Variants in PCNX2 observed in about 807,000 individuals in gnomAD.
PCNX2 encodes the protein pecanex-like protein 2.
PCNX2 carries 168 observed loss-of-function variants against 223.8 expected under a neutral mutation model. The observed-to-expected ratio is 0.75, with a 90% CI of 0.66 to 0.85. The LOEUF is 0.85. Ranked by LOEUF, PCNX2 falls within the 40% of genes least tolerant of loss-of-function variation. PCNX2 has a pLI of 0.00. For missense variants in PCNX2, 2,507 were observed against 2,675.5 expected (o/e 0.94, Z 1.39); for synonymous variants, 1,006 against 1,052.6 (o/e 0.96, Z 0.86).
intron 19 of PCNX2, among the ~76,000 whole-genome samples, chr1:233,141,058 C>G (rs144883886): frequency 1.3e-5 from 2 of 152,170 alleles, no homozygotes; most frequent in African/African-American, 4.8e-5. Flanking sequence ...AAACTTTACC[C>G]TACAATGACC....
intron 25 of PCNX2, among the ~76,000 whole-genome samples, chr1:233,048,238 C>T (rs1034553106): frequency 6.6e-6 from 1 of 152,198 alleles, no homozygotes; most frequent in Non-Finnish European, 1.5e-5. Context: ...AGGCGGATCA[C>T]TTGAGGTCAG....
chr1:233,108,006 G>A (rs867232706), intron 21 of PCNX2, among the ~76,000 whole-genome samples: 5 of 152,154 alleles, frequency 3.3e-5, no homozygotes, highest in African/African-American at 7.2e-5. Flanking sequence ...TCCCACCAGC[G>A]CCGTGACAGT....
chr1:233,258,482 C>T lies in PCNX2; in HGVS notation c.1380G>A (p.Thr460=), dbSNP rs187254056. Residue 460 remains threonine (T), a synonymous_variant, in exon 5 of 34, where the codon ACG becomes ACA. Coordinates refer to ENST00000258229, the MANE Select transcript of PCNX2 (RefSeq NM_014801.4). ...GSERTPERLK[T]RVSTNQCSGY... ...CAGAACACTGATTGGTGGATACCCT[C>T]GTCTTCAGTCTCTCTGGAGTCCTTT... 2.8e-5 allele frequency: 45 copies of T among 1,613,990 alleles called. No individual in the cohort carries two copies. Among genetic ancestry groups the T allele is most frequent in the Non-Finnish European group, 3.6e-5 (42 of 1,179,892 alleles).
chr1:233,004,314 A>G (rs1031969641), intron 28 of PCNX2, among the ~76,000 whole-genome samples: 1 of 151,978 alleles, frequency 6.6e-6, no homozygotes, highest in Non-Finnish European at 1.5e-5. Flanking sequence ...CCCACACATC[A>G]CTGAGTGTTG....
At chr1:233,107,090 T>C (rs903465976) in intron 21 of PCNX2, among the ~76,000 whole-genome samples, 2 of 152,194 alleles carry the variant, frequency 1.3e-5, no homozygotes, top group Non-Finnish European at 2.9e-5. Context: ...GTTTCTGTTA[T>C]CTGCTTTACT....
At chr1:233,046,858 A>C (rs1671841641) in intron 25 of PCNX2, among the ~76,000 whole-genome samples, 1 of 152,236 alleles carries the variant, frequency 6.6e-6, no homozygotes, top group Admixed American at 6.5e-5. Flanking sequence ...TGTGCAAATG[A>C]GGCAGAACCA....
chr1:233,160,097 C>A (rs1016330551), intron 19 of PCNX2, 186 bp downstream of exon 19: 13 of 606,478 alleles, frequency 2.1e-5, no homozygotes, highest in African/African-American at 2.0e-4. Flanking sequence ...ATACCATATA[C>A]TCTAAGGTAC....
chr1:233,233,175 A>T (rs531948278), intron 9 of PCNX2, among the ~76,000 whole-genome samples: 1 of 152,166 alleles, frequency 6.6e-6, no homozygotes, highest in African/African-American at 2.4e-5. Flanking sequence ...CATGGTAATG[A>T]GTCTACAGAA....
rs574481570 is a variant in PCNX2, at chr1:233,126,750, T to G, written c.3837+8263A>C. 6.6e-6 allele frequency among the ~76,000 whole-genome samples: 1 copy of G among 152,214 alleles called. No individual in the cohort carries two copies. The highest frequency in any genetic ancestry group is 1.5e-5 in the Non-Finnish European group (1 of 68,040). On this transcript the variant is annotated intron_variant, in intron 21 of 33. Transcript: ENST00000258229. The surrounding 1 kb of genome is among the most constrained non-coding windows in gnomAD (Gnocchi z 4.8). Reference sequence around the variant, plus strand: ...TTATAAAATGAGAAAAATCCTTTTTTCAAGGTTTTTATGTTTGACCTTTAT... The same window carrying G: ...TTATAAAATGAGAAAAATCCTTTTTGCAAGGTTTTTATGTTTGACCTTTAT...
At chr1:233,234,162 AG>A (rs1658247881) in intron 9 of PCNX2, among the ~76,000 whole-genome samples, 1 of 152,212 alleles carries the variant, frequency 6.6e-6, no homozygotes, top group Non-Finnish European at 1.5e-5. Context: ...ACAAAACTGC[AG>A]GCATAGCCAG....
At chr1:233,144,200 C>T (rs1434706890) in intron 19 of PCNX2, among the ~76,000 whole-genome samples, 1 of 151,982 alleles carries the variant, frequency 6.6e-6, no homozygotes, top group South Asian at 2.1e-4. Flanking sequence ...GAAAAAAATA[C>T]CCTCTTTTGG....
At chr1:233,157,855 C>G (rs1678220755) in intron 19 of PCNX2, among the ~76,000 whole-genome samples, 1 of 152,106 alleles carries the variant, frequency 6.6e-6, no homozygotes. Context: ...CCTAATTTGT[C>G]TAACCTGTGA....
chr1:233,209,689 T>C (rs1453956376), intron 12 of PCNX2, among the ~76,000 whole-genome samples: 1 of 152,222 alleles, frequency 6.6e-6, no homozygotes, highest in African/African-American at 2.4e-5. Flanking sequence ...GAAAACACAG[T>C]CTGTCCATGG....
intron 1 of PCNX2, among the ~76,000 whole-genome samples, chr1:233,277,092 AG>A (rs1313475291): frequency 6.6e-6 from 1 of 152,192 alleles, no homozygotes; most frequent in East Asian, 1.9e-4. Context: ...AAGTGTGCAA[AG>A]GATACAAATC....
At chr1:233,235,248 C>T (rs1658315732) in intron 9 of PCNX2, among the ~76,000 whole-genome samples, 1 of 152,144 alleles carries the variant, frequency 6.6e-6, no homozygotes, top group African/African-American at 2.4e-5. Flanking sequence ...TGTTCACACA[C>T]AAACTCCAAG....
chr1:233,001,528 G>T lies in PCNX2; in HGVS notation c.5097+9C>A. On this transcript the variant is annotated intron_variant, in intron 29 of 33. Coordinates refer to ENST00000258229, the MANE Select transcript of PCNX2 (RefSeq NM_014801.4). This position sits in a 1 kb window ranked among gnomAD's most constrained non-coding sequence, Gnocchi z 4.2. ...AATAAATAAATAAATAAATAAAATA[G>T]GTTTTTACCTGGTGAAGTTTCAGGG... is the stretch of plus-strand genomic sequence containing the variant. 1 of 1,302,386 alleles carries T rather than the reference G, an allele frequency of 7.7e-7. No individual in the cohort carries two copies. The allele number at this position is 1,302,386 out of a possible 1,614,324, so 80.7% of individuals were successfully genotyped here.
At chr1:233,292,198 CT>C (rs1360464529) in intron 1 of PCNX2, among the ~76,000 whole-genome samples, 1 of 134,344 alleles carries the variant, frequency 7.4e-6, no homozygotes, top group Non-Finnish European at 1.6e-5. Context: ...TTCTTTCTTT[CT>C]TTCTTTTTTT....
chr1:233,289,876 C>T (rs962828525), intron 1 of PCNX2, among the ~76,000 whole-genome samples: 3 of 152,176 alleles, frequency 2.0e-5, no homozygotes, highest in African/African-American at 7.2e-5. Flanking sequence ...TGCGAGGCTG[C>T]GCAGGTTGCA....
At chr1:233,280,815 G>C (rs1661157615) in intron 1 of PCNX2, among the ~76,000 whole-genome samples, 1 of 152,094 alleles carries the variant, frequency 6.6e-6, no homozygotes, top group Non-Finnish European at 1.5e-5. Flanking sequence ...ACAACCTTTG[G>C]AAGTTATTTA....
Sources: gnomAD v4.1 joint callset for allele counts (sites outside exome capture counted in the v4.1 genomes callset) on GRCh38, gnomAD v4.1.1 for gene constraint, Gnocchi (gnomAD v3.1) non-coding constraint, MANE v1.5 for transcripts, NCBI Gene and HGNC (gene_info 2026-07-23, HGNC 2026-07-21) for gene names.